The following TMEM204 variants were observed in gnomAD, a reference collection of about 807,000 sequenced individuals.
TMEM204 encodes the protein transmembrane protein 204.
A neutral mutation model predicts 19.4 loss-of-function variants in TMEM204; 15 were observed. That is an observed-to-expected ratio of 0.77 (90% CI 0.52 to 1.19). The LOEUF is 1.19. Among genes scored for constraint, TMEM204 ranks in the 50% most tolerant of loss-of-function variants. The probability of loss-of-function intolerance (pLI) is 0.00; values close to 1 mark genes in which losing one functional copy is unlikely to be tolerated. For missense variants in TMEM204, 287 were observed against 321.2 expected, an observed-to-expected ratio of 0.89 and a Z score of 0.81; for synonymous variants, 161 against 146.0, an observed-to-expected ratio of 1.10 and a Z score of -0.74.
chr16:1,549,900 T>A (rs2141370842), intron 2 of TMEM204, among the ~76,000 whole-genome samples: 1 of 152,354 alleles, frequency 6.6e-6, no homozygotes, highest in South Asian at 2.1e-4. Context: ...GTAGGGCCCA[T>A]GTCCAGGTTG....
At chr16:1,542,560 GCT>G (rs1276844785) in intron 2 of TMEM204, among the ~76,000 whole-genome samples, 2 of 152,244 alleles carry the variant, frequency 1.3e-5, no homozygotes, top group African/African-American at 4.8e-5. Context: ...CAAGGCATGT[GCT>G]CTGTTATAAA....
chr16:1,542,842 C>T (rs2031779538), intron 2 of TMEM204, among the ~76,000 whole-genome samples: 1 of 152,232 alleles, frequency 6.6e-6, no homozygotes, highest in South Asian at 2.1e-4. Flanking sequence ...TCAGAGCCTC[C>T]TCTCAACGCT....
chr16:1,534,700 G>T, intron 1 of TMEM204, 145 bp downstream of exon 1: 1 of 1,217,712 alleles, frequency 8.2e-7, no homozygotes. Context: ...GCAGGAGGGG[G>T]CACTGTGTCT....
upstream of TMEM204, chr16:1,531,056 G>A (rs1156763976): frequency 1.3e-5 from 2 of 152,014 alleles, no homozygotes; most frequent in Non-Finnish European, 2.9e-5. The surrounding 1 kb of genome is among the most constrained non-coding windows in gnomAD (Gnocchi z 4.7). Context: ...CCTGCTCGAG[G>A]GCACCAGCCC....
intron 2 of TMEM204, among the ~76,000 whole-genome samples, chr16:1,550,583 C>A (rs1596347362): frequency 6.6e-6 from 1 of 152,222 alleles, no homozygotes; most frequent in Non-Finnish European, 1.5e-5. Context: ...GCTGGGGTGG[C>A]TCCACACTGC....
At position 1,534,163 on chromosome 16, in the gene TMEM204, G is replaced by T; in HGVS notation, c.-113G>T. 1.4e-6 allele frequency: 2 copies of T among 1,398,564 alleles called. No individual in the cohort carries two copies. The highest frequency in any genetic ancestry group is 1.9e-6 in the Non-Finnish European group (2 of 1,044,032). 86.6% of individuals were successfully genotyped at this position (1,398,564 alleles called of 1,614,324 possible). On this transcript the variant is annotated 5_prime_UTR_variant, in exon 1 of 3. In the 5' UTR this introduces an upstream ATG that the reference lacks. Transcript: ENST00000566264. ...TGGGCCTCCGCCCGCGCCGCCCCGA[G>T]GATGAGTGGTGATGTCCTCTAGCCA...
intron 1 of TMEM204, among the ~76,000 whole-genome samples, chr16:1,537,022 T>C (rs947451744): frequency 1.3e-5 from 2 of 152,214 alleles, no homozygotes; most frequent in African/African-American, 2.4e-5. Flanking sequence ...GCCACCCCAC[T>C]GAGTCCAGCC....
chr16:1,535,720 GA>G (rs2030995657), intron 1 of TMEM204, among the ~76,000 whole-genome samples: 1 of 152,216 alleles, frequency 6.6e-6, no homozygotes, highest in African/African-American at 2.4e-5. Flanking sequence ...AAGGTCCCAC[GA>G]GGGAATTCAA....
At chr16:1,552,093 C>T (rs951498552) in intron 2 of TMEM204, among the ~76,000 whole-genome samples, 24 of 152,268 alleles carry the variant, frequency 1.6e-4, no homozygotes, top group African/African-American at 5.1e-4. Flanking sequence ...CTGTTCCATT[C>T]GGATGAATGA....
chr16:1,544,927 C>T (rs939366158), intron 2 of TMEM204, among the ~76,000 whole-genome samples: 1 of 152,200 alleles, frequency 6.6e-6, no homozygotes, highest in Non-Finnish European at 1.5e-5. Flanking sequence ...GGATTACAAG[C>T]GTGAGCCACG....
intron 2 of TMEM204, among the ~76,000 whole-genome samples, chr16:1,544,207 G>A (rs1306566484): frequency 6.8e-5 from 10 of 147,260 alleles, no homozygotes; most frequent in East Asian, 2.0e-4. Flanking sequence ...TTTTTGAGAC[G>A]AAGTCTCACT....
chr16:1,535,409 C>T (rs765938208), intron 1 of TMEM204, among the ~76,000 whole-genome samples: 4 of 152,166 alleles, frequency 2.6e-5, no homozygotes, highest in Non-Finnish European at 4.4e-5. Flanking sequence ...TCCCAAAGGC[C>T]GACTCTCTGA....
upstream of TMEM204, among the ~76,000 whole-genome samples, chr16:1,529,023 G>C (rs1166474247): frequency 6.6e-6 from 1 of 152,200 alleles, no homozygotes; most frequent in Non-Finnish European, 1.5e-5. Context: ...ACTTGTGTCT[G>C]AGTCTAGGGG....
At chr16:1,548,381 G>A (rs933442807) in intron 2 of TMEM204, among the ~76,000 whole-genome samples, 1 of 152,194 alleles carries the variant, frequency 6.6e-6, no homozygotes, top group Admixed American at 6.5e-5. Context: ...CCAAGAAGCC[G>A]CAGGAAGGAA....
rs746141739 is a variant in TMEM204 at position 1,554,831 on chromosome 16, C to T, written c.486C>T (p.Tyr162=). The change falls in exon 3 of 3, where the codon TAC becomes TAT. Residue 162 remains tyrosine, a synonymous_variant. Transcript: ENST00000566264. ...TGACTTTCTACAGAATTGGCCCATA[C>T]ACCAACCTGTCCTGGTCCTGCTACC... ...GLVTFYRIGP[Y]TNLSWSCYLN... 3 of 1,614,108 alleles carry T rather than the reference C, an allele frequency of 1.9e-6. No individual in the cohort carries two copies. Among genetic ancestry groups the T allele is most frequent in the African/African-American group, 2.7e-5 (2 of 74,940 alleles).
intron 2 of TMEM204, among the ~76,000 whole-genome samples, chr16:1,549,093 C>T (rs753532206): frequency 6.6e-6 from 1 of 152,154 alleles, no homozygotes; most frequent in Non-Finnish European, 1.5e-5. Context: ...ATGCCTAGGG[C>T]CGCGCAGGTT....
upstream of TMEM204, chr16:1,531,990 G>A (rs551132292): frequency 7.2e-5 from 11 of 152,382 alleles, no homozygotes; most frequent in Admixed American, 7.2e-4. This position sits in a 1 kb window ranked among gnomAD's most constrained non-coding sequence, Gnocchi z 4.7. Flanking sequence ...AATTAAGGAG[G>A]AAATAAATTC....
rs367755954 is a variant in TMEM204 at position 1,534,578 on chromosome 16, T to C, written c.280+23T>C. On this transcript the variant is annotated intron_variant, in intron 1 of 2. Coordinates refer to ENST00000566264, the MANE Select transcript of TMEM204 (RefSeq NM_024600.6). ...AACGTAAGTCCAATTGTTTTCCTGATGCCTTCAGCGTGGCCGAGGCTCGAG... is the reference window on the plus strand; with the variant it reads ...AACGTAAGTCCAATTGTTTTCCTGACGCCTTCAGCGTGGCCGAGGCTCGAG... 1.1e-4 allele frequency: 183 copies of C among 1,598,288 alleles called. 1 individual carries two copies. The highest frequency in any genetic ancestry group is 1.5e-4 in the Non-Finnish European group (174 of 1,179,568).
At chr16:1,545,351 A>G (rs2032080693) in intron 2 of TMEM204, among the ~76,000 whole-genome samples, 1 of 152,108 alleles carries the variant, frequency 6.6e-6, no homozygotes, top group African/African-American at 2.4e-5. Flanking sequence ...TCTTGCCCCC[A>G]CAGGCCACCT....
Sources: gnomAD v4.1 joint callset for allele counts (sites outside exome capture counted in the v4.1 genomes callset) on GRCh38, gnomAD v4.1.1 for gene constraint, Gnocchi (gnomAD v3.1) non-coding constraint, MANE v1.5 for transcripts, NCBI Gene and HGNC (gene_info 2026-07-23, HGNC 2026-07-21) for gene names.